The following SLC7A5 variants were observed in gnomAD, a reference collection of about 807,000 sequenced individuals.
The protein encoded by SLC7A5 is solute carrier family 7 member 5, also known as large neutral amino acids transporter small subunit 1.
A neutral mutation model predicts 50.2 loss-of-function variants in SLC7A5; 23 were observed. That is an observed-to-expected ratio of 0.46 (90% CI 0.33 to 0.65). The LOEUF (loss-of-function observed/expected upper bound fraction) is 0.65, where lower values mean the gene tolerates loss of function less well. SLC7A5 is among the 30% of genes least tolerant of loss of function. SLC7A5 has a pLI of 0.02. For missense variants in SLC7A5, 578 were observed against 684.4 expected, an observed-to-expected ratio of 0.84 and a Z score of 1.73; for synonymous variants, 393 against 330.6, an observed-to-expected ratio of 1.19 and a Z score of -2.05.
In SLC7A5 at chr16:87,832,574, G is replaced by C. The variant is rs2054947072; in HGVS notation, c.*396C>G. ...AAGTCTCAGTAGCTCTGTTTGCCCA[G>C]GGTCTGGGCCCTTGGGGCAGGAGAA... On this transcript the variant is annotated 3_prime_UTR_variant, in exon 10 of 10. Transcript: ENST00000261622. This position sits in a 1 kb window ranked among gnomAD's most constrained non-coding sequence, Gnocchi z 4.6. 6.4e-6 allele frequency: 1 copy of C among 155,876 alleles called. No homozygotes were observed. Among genetic ancestry groups the C allele is most frequent in the Admixed American group, 6.3e-5 (1 of 15,960 alleles). The allele number at this position is 155,876 out of a possible 1,614,324, so 9.7% of individuals were successfully genotyped here.
chr16:87,850,678 A>G (rs2055210822), intron 2 of SLC7A5, among the ~76,000 whole-genome samples: 1 of 152,244 alleles, frequency 6.6e-6, no homozygotes, highest in Non-Finnish European at 1.5e-5. Flanking sequence ...AGACAGAGGC[A>G]TCCCTGCTGG....
intron 1 of SLC7A5, among the ~76,000 whole-genome samples, chr16:87,863,273 G>C (rs1373637324): frequency 1.3e-5 from 2 of 152,132 alleles, no homozygotes; most frequent in African/African-American, 4.8e-5. Context: ...CTGAACCTGT[G>C]AGTTCCCACT....
At chr16:87,834,232 G>A (rs1342017444) in intron 9 of SLC7A5, among the ~76,000 whole-genome samples, 182 bp downstream of exon 9, 4 of 152,216 alleles carry the variant, frequency 2.6e-5, no homozygotes, top group South Asian at 2.1e-4. Flanking sequence ...CTGGTGCTGC[G>A]CTGTGTGTCT....
At chr16:87,864,892 C>T (rs191961758) in intron 1 of SLC7A5, among the ~76,000 whole-genome samples, 3 of 152,314 alleles carry the variant, frequency 2.0e-5, no homozygotes, top group East Asian at 1.9e-4. Context: ...AGGTAAACTA[C>T]GCTGCCTTTC....
In SLC7A5 at chr16:87,869,334, T is replaced by C. The variant is rs1303447337; in HGVS notation, c.89A>G (p.Lys30Arg). ...EEAREKMLAA[K>R]SADGSAPAGE... ...TGCCGGCGCCGAGCCGTCCGCGCTCTTGGCGGCCAGCATCTTCTCCCGCGC... is the reference window on the plus strand; with the variant it reads ...TGCCGGCGCCGAGCCGTCCGCGCTCCTGGCGGCCAGCATCTTCTCCCGCGC... Residue 30 changes from lysine to arginine, a missense_variant, in exon 1 of 10, where the codon AAG becomes AGG. By Grantham distance (26) the Lys-to-Arg change is conservative. Around this residue, in one of 2 missense-constraint regions of SLC7A5, gnomAD observed 113 missense variants for 89.8 expected, o/e 1.26. Coordinates refer to ENST00000261622, the MANE Select transcript of SLC7A5 (RefSeq NM_003486.7). 6.2e-7 allele frequency: 1 copy of C among 1,609,940 alleles called. No individual in the cohort carries two copies. The highest frequency in any genetic ancestry group is 1.3e-5 in the African/African-American group (1 of 74,884).
rs185733739 is a variant in SLC7A5, at chr16:87,868,337, C to T, written c.538+548G>A. The stretch of plus-strand genomic sequence containing the variant: ...ACTACTGGGAACCCTCAGGGGGGAT[C>T]CCTTAGCCTAAATCAGCACCAGTCA... On this transcript the variant is annotated intron_variant, in intron 1 of 9. Coordinates refer to ENST00000261622, the MANE Select transcript of SLC7A5 (RefSeq NM_003486.7). Among the ~76,000 whole-genome samples the T allele has an allele frequency of 3.0e-3, 458 of 152,208 alleles. 2 individuals carry two copies. The highest frequency in any genetic ancestry group is 6.8e-3 in the Middle Eastern group (2 of 294).
At chr16:87,850,415 C>G (rs2055206183) in intron 2 of SLC7A5, among the ~76,000 whole-genome samples, 1 of 152,210 alleles carries the variant, frequency 6.6e-6, no homozygotes, top group Non-Finnish European at 1.5e-5. Flanking sequence ...GCCCTGTCCT[C>G]TGCAGCCCTG....
chr16:87,857,916 A>G (rs1369285858), intron 1 of SLC7A5, among the ~76,000 whole-genome samples: 5 of 152,190 alleles, frequency 3.3e-5, no homozygotes, highest in Admixed American at 2.6e-4. Flanking sequence ...GGGCTGACAC[A>G]TTCATTTTAA....
intron 9 of SLC7A5, 146 bp downstream of exon 9, chr16:87,834,268 G>A: frequency 1.3e-6 from 1 of 764,554 alleles, no homozygotes; most frequent in Non-Finnish European, 2.3e-6. Flanking sequence ...TGGGCTGCGT[G>A]TCACTGGCGG....
At chr16:87,846,878 G>A (rs1171451586) in intron 2 of SLC7A5, among the ~76,000 whole-genome samples, 2 of 152,238 alleles carry the variant, frequency 1.3e-5, no homozygotes, top group East Asian at 1.9e-4. Flanking sequence ...TGCCGGGGAC[G>A]CGGTGAGCCT....
chr16:87,867,577 C>G (rs1018963591), intron 1 of SLC7A5, among the ~76,000 whole-genome samples: 2 of 151,052 alleles, frequency 1.3e-5, no homozygotes, highest in South Asian at 2.1e-4. Flanking sequence ...CCCCAAAGTA[C>G]GGTGTGGCAG....
chr16:87,848,455 C>T (rs935519188), intron 2 of SLC7A5, among the ~76,000 whole-genome samples: 3 of 152,230 alleles, frequency 2.0e-5, no homozygotes, highest in East Asian at 1.9e-4. Context: ...ACTCATGGGA[C>T]GGTGGGTCAG....
intron 8 of SLC7A5, 63 bp from the exon 9 acceptor site, chr16:87,834,654 G>C: frequency 6.5e-7 from 1 of 1,538,858 alleles, no homozygotes; most frequent in Non-Finnish European, 8.8e-7. Context: ...CCCATGCCCC[G>C]AGGTTCCTCA....
At position 87,833,042 on chromosome 16, in the gene SLC7A5, CA is replaced by C. The variant is rs1392412582; in HGVS notation, c.1469-18del. ...TCGTGGAGACTGTCAGGAGAGAAGA[CA>C]GCTGTGTTAGCCTGGGGGCTGGGTA... On this transcript the variant is annotated intron_variant, in intron 9 of 9. Coordinates refer to ENST00000261622, the MANE Select transcript of SLC7A5 (RefSeq NM_003486.7). The surrounding 1 kb of genome is among the most constrained non-coding windows in gnomAD (Gnocchi z 6.0). 1 of 1,613,096 alleles carries C rather than the reference CA, an allele frequency of 6.2e-7. No homozygotes were observed. The highest frequency in any genetic ancestry group is 1.7e-5 in the Admixed American group (1 of 60,008).
At chr16:87,845,620 C>A (rs998639673) in intron 2 of SLC7A5, among the ~76,000 whole-genome samples, 1 of 152,198 alleles carries the variant, frequency 6.6e-6, no homozygotes, top group African/African-American at 2.4e-5. Flanking sequence ...GCCTGGGAAC[C>A]GTGATGGGGC....
In SLC7A5 at chr16:87,838,672, G is replaced by C. The variant is rs765751279; in HGVS notation, c.1043+42C>G. The C allele has an allele frequency of 8.6e-5, 125 of 1,448,948 alleles. No homozygotes were observed. The Middle Eastern group carries it at 1.4e-3, about 16-fold the overall frequency. 89.8% of individuals were successfully genotyped at this position (1,448,948 alleles called of 1,614,324 possible). On this transcript the variant is annotated intron_variant, in intron 6 of 9. Coordinates refer to ENST00000261622, the MANE Select transcript of SLC7A5 (RefSeq NM_003486.7). ...GGAACATGTTGAACCTGGCCATGAG[G>C]CCTGGGCCTCCCTCACCTGTGGTGG...
rs759073619 is a variant in SLC7A5 at position 87,839,749 on chromosome 16, T to C, written c.892A>G (p.Thr298Ala). The C allele has an allele frequency of 6.2e-7, 1 of 1,613,372 alleles. No individual in the cohort carries two copies. ...AGCATCTGCTCGGTGGACAGGGTGG[T>C]GAAGTAGGCCAGGTTGGTCAGCACG... ...VYVLTNLAYF[T>A]TLSTEQMLSS... Residue 298 changes from threonine (T) to alanine (A), a missense_variant, in exon 5 of 10, where the codon ACC becomes GCC. Coordinates refer to ENST00000261622, the MANE Select transcript of SLC7A5 (RefSeq NM_003486.7).
chr16:87,864,179 C>T (rs1357242201), intron 1 of SLC7A5, among the ~76,000 whole-genome samples: 1 of 151,028 alleles, frequency 6.6e-6, no homozygotes, highest in Non-Finnish European at 1.5e-5. Flanking sequence ...GTAATCCCAG[C>T]TACTCGGGAG....
intron 2 of SLC7A5, among the ~76,000 whole-genome samples, chr16:87,843,076 G>A (rs1318382420): frequency 6.6e-6 from 1 of 152,108 alleles, no homozygotes; most frequent in Admixed American, 6.5e-5. Flanking sequence ...ATGGTGGGAG[G>A]GGGTGAAGGT....
Sources: gnomAD v4.1 joint callset for allele counts (sites outside exome capture counted in the v4.1 genomes callset) on GRCh38, gnomAD v4.1.1 for gene constraint, gnomAD v4.1.1 regional missense constraint, Gnocchi (gnomAD v3.1) non-coding constraint, MANE v1.5 for transcripts, NCBI Gene and HGNC (gene_info 2026-07-23, HGNC 2026-07-21) for gene names.